The following SH3GL2 variants were observed in gnomAD, a reference collection of about 807,000 sequenced individuals.
SH3GL2 encodes SH3 domain containing GRB2 like 2, endophilin A1, also known as endophilin-A1.
In SH3GL2, 24 loss-of-function variants were observed where a neutral mutation model predicts 46.0. The ratio of observed to expected loss-of-function variants is 0.52; its 90% CI spans 0.38 to 0.73. The LOEUF is 0.73. Among genes scored for constraint, SH3GL2 ranks in the 30% least tolerant of loss-of-function variants. SH3GL2 has a pLI of 0.00. For synonymous variants in SH3GL2, 196 were observed against 147.1 expected, an observed-to-expected ratio of 1.33 and a Z score of -2.40; for missense variants, 413 against 424.2, an observed-to-expected ratio of 0.97 and a Z score of 0.23.
chr9:17,705,004 A>G (rs1032167234), intron 1 of SH3GL2, among the ~76,000 whole-genome samples: 2 of 152,100 alleles, frequency 1.3e-5, no homozygotes, highest in Non-Finnish European at 2.9e-5. Context: ...TATGCATGCA[A>G]CAAAGGTCTA....
At chr9:17,607,410 T>C (rs1324321445) in intron 1 of SH3GL2, among the ~76,000 whole-genome samples, 3 of 152,232 alleles carry the variant, frequency 2.0e-5, no homozygotes, top group East Asian at 3.8e-4. Context: ...CAGGGCACTT[T>C]CCATGAATGG....
intron 1 of SH3GL2, among the ~76,000 whole-genome samples, chr9:17,611,260 G>A (rs964068121): frequency 3.3e-5 from 5 of 152,116 alleles, no homozygotes; most frequent in South Asian, 2.1e-4. Context: ...TGATCATGAA[G>A]TAACTTCCAA....
intron 1 of SH3GL2, among the ~76,000 whole-genome samples, chr9:17,668,928 G>A (rs1820406975): frequency 1.3e-5 from 2 of 152,126 alleles, no homozygotes; most frequent in African/African-American, 4.8e-5. Context: ...AGAGGGCTGG[G>A]ATTACACAGG....
At chr9:17,742,479 C>T (rs1038319783) in intron 1 of SH3GL2, among the ~76,000 whole-genome samples, 8 of 152,110 alleles carry the variant, frequency 5.3e-5, no homozygotes, top group African/African-American at 7.2e-5. Context: ...TAATTTAAAA[C>T]GTGAGTTGAT....
intron 1 of SH3GL2, among the ~76,000 whole-genome samples, chr9:17,646,699 G>A (rs570467541): frequency 1.6e-4 from 24 of 152,262 alleles, no homozygotes; most frequent in African/African-American, 3.6e-4. Flanking sequence ...TATCACCAGC[G>A]GAGTCTGCAG....
chr9:17,659,459 G>C (rs949818974), intron 1 of SH3GL2, among the ~76,000 whole-genome samples: 1 of 152,154 alleles, frequency 6.6e-6, no homozygotes, highest in African/African-American at 2.4e-5. Context: ...GTGTGTGTGT[G>C]TGTTTTCTCA....
intron 1 of SH3GL2, among the ~76,000 whole-genome samples, chr9:17,737,286 G>T (rs1467086762): frequency 6.6e-6 from 1 of 151,894 alleles, no homozygotes; most frequent in Non-Finnish European, 1.5e-5. Flanking sequence ...AACCACCATG[G>T]CACATGTATA....
intron 1 of SH3GL2, among the ~76,000 whole-genome samples, chr9:17,682,306 A>C (rs531144584): frequency 1.3e-5 from 2 of 152,148 alleles, no homozygotes; most frequent in Non-Finnish European, 2.9e-5. Flanking sequence ...CATGGAACCA[A>C]CCCAAATGCC....
At chr9:17,635,476 G>A (rs904126121) in intron 1 of SH3GL2, among the ~76,000 whole-genome samples, 1 of 152,178 alleles carries the variant, frequency 6.6e-6, no homozygotes, top group Non-Finnish European at 1.5e-5. Context: ...AAAAAGAAAG[G>A]TGTGGTGAGT....
intron 1 of SH3GL2, among the ~76,000 whole-genome samples, chr9:17,634,150 C>T (rs1198382976): frequency 2.6e-5 from 4 of 151,958 alleles, no homozygotes; most frequent in African/African-American, 9.7e-5. Flanking sequence ...CGGTGGAGAC[C>T]ACTGGTACCC....
At chr9:17,784,184 A>T (rs984102647) in intron 3 of SH3GL2, among the ~76,000 whole-genome samples, 2 of 152,128 alleles carry the variant, frequency 1.3e-5, no homozygotes, top group African/African-American at 4.8e-5. Context: ...CCTCCTTCTT[A>T]TGAAAATATA....
intron 1 of SH3GL2, among the ~76,000 whole-genome samples, chr9:17,601,101 G>C (rs145616942): frequency 1.3e-5 from 2 of 152,240 alleles, no homozygotes; most frequent in African/African-American, 4.8e-5. Flanking sequence ...CATGTGTGGT[G>C]GTGTTTCTAC....
At chr9:17,721,883 A>G (rs192976363) in intron 1 of SH3GL2, among the ~76,000 whole-genome samples, 1 of 152,208 alleles carries the variant, frequency 6.6e-6, no homozygotes, top group Non-Finnish European at 1.5e-5. Flanking sequence ...GAACCCTAAT[A>G]TAACCACTAA....
chr9:17,645,761 C>T (rs1819799533), intron 1 of SH3GL2, among the ~76,000 whole-genome samples: 1 of 152,110 alleles, frequency 6.6e-6, no homozygotes, highest in Non-Finnish European at 1.5e-5. Flanking sequence ...TGATGGGCTT[C>T]CCTTTGTGGG....
At chr9:17,737,257 C>G (rs1041004865) in intron 1 of SH3GL2, among the ~76,000 whole-genome samples, 1 of 151,976 alleles carries the variant, frequency 6.6e-6, no homozygotes, top group African/African-American at 2.4e-5. Flanking sequence ...ATGTAGATGA[C>G]AGGTTGATGG....
At chr9:17,662,081 T>G (rs1288776346) in intron 1 of SH3GL2, among the ~76,000 whole-genome samples, 2 of 152,246 alleles carry the variant, frequency 1.3e-5, no homozygotes, top group African/African-American at 2.4e-5. Flanking sequence ...ATACAAAGTG[T>G]ATCTTGCTGA....
chr9:17,691,936 A>C (rs1353785793), intron 1 of SH3GL2, among the ~76,000 whole-genome samples: 1 of 152,166 alleles, frequency 6.6e-6, no homozygotes, highest in African/African-American at 2.4e-5. Flanking sequence ...CAACAGAAGA[A>C]ATGGAAGACG....
intron 1 of SH3GL2, among the ~76,000 whole-genome samples, chr9:17,579,556 C>A (rs903180971): frequency 6.6e-6 from 1 of 152,144 alleles, no homozygotes; most frequent in African/African-American, 2.4e-5. Context: ...GCCCCCGCAT[C>A]ATCTCGCGCC....
rs954650249 is a variant in SH3GL2, at chr9:17,695,550, A to C, written c.46-51516A>C. ...ATCTCAATATACTCCTCAGATGGCA[A>C]CTTTGAGGAGGTAACCAGGAGGTAT... On this transcript the variant is annotated intron_variant, in intron 1 of 8. Coordinates refer to ENST00000380607, the MANE Select transcript of SH3GL2 (RefSeq NM_003026.5). Among the ~76,000 whole-genome samples, 30 of 152,260 alleles carry C rather than the reference A, an allele frequency of 2.0e-4. 1 individual carries two copies. The highest frequency in any genetic ancestry group is 5.3e-4 in the African/African-American group (22 of 41,536).
Sources: allele counts gnomAD v4.1 joint callset (sites outside exome capture counted in the v4.1 genomes callset), GRCh38; gene constraint gnomAD v4.1.1; transcripts MANE v1.5; gene names NCBI Gene and HGNC (gene_info 2026-07-23, HGNC 2026-07-21).